The following CLVS1 variants were observed in gnomAD, a reference collection of about 807,000 sequenced individuals.
CLVS1 encodes clavesin-1.
A neutral mutation model predicts 33.1 loss-of-function variants in CLVS1; 10 were observed. The ratio of observed to expected loss-of-function variants is 0.30; its 90% confidence interval spans 0.19 to 0.51. The LOEUF (loss-of-function observed/expected upper bound fraction) is 0.51. Ranked by LOEUF, CLVS1 falls within the 20% of genes least tolerant of loss-of-function variation. The pLI, the probability that CLVS1 is intolerant of heterozygous loss-of-function variation, is 0.97. For synonymous variants in CLVS1, 163 were observed against 166.1 expected (o/e 0.98, Z 0.14); for missense variants, 343 against 433.4 (o/e 0.79, Z 1.85).
chr8:61,368,550 A>T (rs962205924), intron 2 of CLVS1, among the ~76,000 whole-genome samples: 7 of 152,226 alleles, frequency 4.6e-5, no homozygotes, highest in African/African-American at 1.7e-4. Context: ...AGAGGATGAC[A>T]GTCCCCAAAC....
intron 2 of CLVS1, among the ~76,000 whole-genome samples, chr8:61,147,859 A>C (rs1403216122): frequency 6.6e-6 from 1 of 152,226 alleles, no homozygotes; most frequent in Non-Finnish European, 1.5e-5. Context: ...AAAAACTTAT[A>C]TATTCAATTG....
chr8:61,467,083 A>T lies in CLVS1; in HGVS notation c.977+8541A>T, dbSNP rs571858784. 5.3e-5 allele frequency among the ~76,000 whole-genome samples: 8 copies of T among 150,870 alleles called. No homozygotes were observed. The South Asian group carries it at 1.5e-3, about 27-fold the overall frequency. ...TGTATACACACAGATATACATGTAC[A>T]TATATATATAATTGTTAAAAGATTA... On this transcript the variant is annotated intron_variant, in intron 5 of 5. Transcript: ENST00000325897.
chr8:61,127,221 T>C (rs1805992533), intron 1 of CLVS1, among the ~76,000 whole-genome samples: 1 of 152,110 alleles, frequency 6.6e-6, no homozygotes, highest in African/African-American at 2.4e-5. Flanking sequence ...TCAAGCTTTT[T>C]TTTTTTTTTT....
chr8:61,447,482 G>A (rs1364856199), intron 3 of CLVS1, among the ~76,000 whole-genome samples: 1 of 151,008 alleles, frequency 6.6e-6, no homozygotes, highest in African/African-American at 2.4e-5. Context: ...CTTCTTCTGG[G>A]TTACTTGTAC....
the CLVS1 span, among the ~76,000 whole-genome samples, chr8:61,043,441 G>A: frequency 2.0e-3 from 311 of 152,284 alleles, 2 homozygotes; most frequent in African/African-American, 7.2e-3. Context: ...AAAACCAGAT[G>A]GATCATAGCA....
the CLVS1 span, among the ~76,000 whole-genome samples, chr8:61,012,124 C>T: frequency 6.6e-6 from 1 of 152,306 alleles, no homozygotes; most frequent in South Asian, 2.1e-4. Flanking sequence ...GCAGATGGCT[C>T]TGGAGAGCAA....
chr8:61,250,899 C>T (rs1808930170), intron 2 of CLVS1, among the ~76,000 whole-genome samples: 1 of 152,084 alleles, frequency 6.6e-6, no homozygotes, highest in Admixed American at 6.6e-5. Context: ...TGTTTGAATA[C>T]TTTTATTTCT....
chr8:61,125,837 G>A (rs1167614768), intron 1 of CLVS1, among the ~76,000 whole-genome samples: 1 of 152,132 alleles, frequency 6.6e-6, no homozygotes, highest in African/African-American at 2.4e-5. Context: ...GAAATACAAT[G>A]ACACATAATG....
chr8:61,127,512 T>A (rs561159511), intron 1 of CLVS1, among the ~76,000 whole-genome samples: 1 of 152,204 alleles, frequency 6.6e-6, no homozygotes, highest in South Asian at 2.1e-4. Flanking sequence ...GAGCCACTGG[T>A]GCCCAGCCTC....
intron 1 of CLVS1, among the ~76,000 whole-genome samples, chr8:61,102,438 T>C (rs547337652): frequency 1.9e-4 from 29 of 152,248 alleles, no homozygotes; most frequent in Non-Finnish European, 4.4e-5. Flanking sequence ...TTGATTTTTG[T>C]ATATTTATCT....
At chr8:61,046,577 G>A in the CLVS1 span, among the ~76,000 whole-genome samples, 19 of 149,134 alleles carry the variant, frequency 1.3e-4, no homozygotes, top group Middle Eastern at 3.4e-3. Flanking sequence ...AATTACCTTG[G>A]GCAGTATGGC....
intron 2 of CLVS1, among the ~76,000 whole-genome samples, chr8:61,139,657 G>C (rs531777564): frequency 2.0e-5 from 3 of 152,132 alleles, no homozygotes; most frequent in Admixed American, 2.0e-4. Context: ...CCGGCCTCAG[G>C]GGGAGGCACG....
intron 2 of CLVS1, among the ~76,000 whole-genome samples, chr8:61,334,223 A>C (rs1434105707): frequency 3.3e-5 from 5 of 152,234 alleles, no homozygotes; most frequent in African/African-American, 9.6e-5. Flanking sequence ...GATGCCAGCC[A>C]GCGGCTGAGT....
intron 5 of CLVS1, among the ~76,000 whole-genome samples, chr8:61,478,072 G>A (rs1818024530): frequency 1.3e-5 from 2 of 152,136 alleles, no homozygotes; most frequent in Admixed American, 6.5e-5. Context: ...ATTTCGTTAT[G>A]TACCCTGCAG....
chr8:60,980,199 G>C, the CLVS1 span, among the ~76,000 whole-genome samples: 6 of 152,186 alleles, frequency 3.9e-5, no homozygotes, highest in Non-Finnish European at 7.4e-5. Context: ...CAAACAAACA[G>C]TCCTGTGTCC....
chr8:61,254,146 C>G (rs2129591863), intron 2 of CLVS1, among the ~76,000 whole-genome samples: 1 of 152,326 alleles, frequency 6.6e-6, no homozygotes, highest in South Asian at 2.1e-4. Context: ...ACAGTCAGGA[C>G]CCTCAGCTGC....
At chr8:61,246,365 G>T (rs894549942) in intron 2 of CLVS1, among the ~76,000 whole-genome samples, 6 of 149,212 alleles carry the variant, frequency 4.0e-5, no homozygotes, top group African/African-American at 1.5e-4. Flanking sequence ...AGATGGGGTT[G>T]CACCATGTTG....
chr8:61,207,962 T>C (rs1807890693), intron 2 of CLVS1, among the ~76,000 whole-genome samples: 1 of 152,198 alleles, frequency 6.6e-6, no homozygotes, highest in Non-Finnish European at 1.5e-5. Context: ...GTGTTAGCCA[T>C]GGGATACACC....
chr8:61,314,695 A>G (rs893816508), intron 2 of CLVS1, among the ~76,000 whole-genome samples: 2 of 152,356 alleles, frequency 1.3e-5, no homozygotes, highest in African/African-American at 4.8e-5. Flanking sequence ...TTAGAGAATT[A>G]TGAAGAGCTC....
Sources: allele counts gnomAD v4.1 joint callset (sites outside exome capture counted in the v4.1 genomes callset), GRCh38; gene constraint gnomAD v4.1.1; transcripts MANE v1.5; gene names NCBI Gene and HGNC (gene_info 2026-07-23, HGNC 2026-07-21).